Variants in SPOCK3 observed in about 807,000 individuals in gnomAD.
The protein encoded by SPOCK3 is testican-3.
SPOCK3 carries 30 observed loss-of-function variants against 56.6 expected under a neutral mutation model. The ratio of observed to expected loss-of-function variants is 0.53; its 90% CI spans 0.40 to 0.72. SPOCK3 has a LOEUF of 0.72. Among genes scored for constraint, SPOCK3 ranks in the 30% least tolerant of loss-of-function variants. The probability of loss-of-function intolerance (pLI) is 0.00; values close to 1 mark genes in which losing one functional copy is unlikely to be tolerated. For missense variants in SPOCK3, 527 were observed against 530.0 expected (o/e 0.99, Z 0.06); for synonymous variants, 196 against 183.3 (o/e 1.07, Z -0.56).
intron 2 of SPOCK3, among the ~76,000 whole-genome samples, chr4:167,069,519 T>A (rs1475870703): frequency 6.6e-6 from 1 of 151,882 alleles, no homozygotes; most frequent in Non-Finnish European, 1.5e-5. Context: ...TTTGGGCTGG[T>A]TCGTAGCGGG....
At chr4:166,796,051 G>T (rs781463081) in intron 6 of SPOCK3, among the ~76,000 whole-genome samples, 47 of 152,260 alleles carry the variant, frequency 3.1e-4, no homozygotes, top group Admixed American at 1.2e-3. Context: ...TCAGAACATA[G>T]CAAGAGGAAG....
At chr4:167,131,848 C>T (rs1283484242) in intron 2 of SPOCK3, among the ~76,000 whole-genome samples, 1 of 152,128 alleles carries the variant, frequency 6.6e-6, no homozygotes, top group African/African-American at 2.4e-5. Context: ...CAAACCAACC[C>T]ATGAAGTATA....
intron 2 of SPOCK3, 57 bp downstream of exon 2, chr4:167,233,928 C>A: frequency 2.0e-6 from 3 of 1,509,730 alleles, no homozygotes; most frequent in African/African-American, 1.4e-5. Flanking sequence ...GCGGCCGCGG[C>A]CCCCGCCTCG....
Position 166,878,415 on chromosome 4 carries a change from T to C in SPOCK3, c.589+10715A>G, listed in dbSNP as rs1391830609. Among the ~76,000 whole-genome samples, 10 of 152,202 alleles carry C rather than the reference T, an allele frequency of 6.6e-5. No homozygotes were observed. The East Asian group carries it at 1.7e-3, about 26-fold the overall frequency. On this transcript the variant is annotated intron_variant, in intron 6 of 10. Transcript: ENST00000357545. Reference sequence around the variant, plus strand: ...ATTTGGCTCCCAAATATATACACTATAAGAAGTTGGCCAAAATCATAGGCA... The same window carrying C: ...ATTTGGCTCCCAAATATATACACTACAAGAAGTTGGCCAAAATCATAGGCA...
chr4:166,990,408 AT>A (rs1212288945), intron 4 of SPOCK3, among the ~76,000 whole-genome samples: 7 of 151,738 alleles, frequency 4.6e-5, no homozygotes, highest in South Asian at 2.1e-4. Flanking sequence ...TTAAAAAAAA[AT>A]GTTCTTACAA....
chr4:167,152,176 G>T (rs1764483337), intron 2 of SPOCK3, among the ~76,000 whole-genome samples: 1 of 152,142 alleles, frequency 6.6e-6, no homozygotes, highest in African/African-American at 2.4e-5. Flanking sequence ...GTCCTAAAGT[G>T]GCCATTAGTT....
chr4:166,845,469 A>C (rs766501713), intron 6 of SPOCK3, among the ~76,000 whole-genome samples: 34 of 152,182 alleles, frequency 2.2e-4, no homozygotes, highest in Non-Finnish European at 4.4e-4. Context: ...TATAACTTAT[A>C]ATCTTATATT....
intron 8 of SPOCK3, among the ~76,000 whole-genome samples, chr4:166,745,379 A>G (rs184991585): frequency 1.8e-4 from 28 of 152,348 alleles, no homozygotes; most frequent in African/African-American, 6.3e-4. Flanking sequence ...TTTCATATCC[A>G]GCCAAACTAA....
At chr4:166,885,406 C>A (rs1362315803) in intron 6 of SPOCK3, among the ~76,000 whole-genome samples, 1 of 151,854 alleles carries the variant, frequency 6.6e-6, no homozygotes, top group East Asian at 1.9e-4. Flanking sequence ...GAAATGTTAA[C>A]TCTTTGCTCA....
In SPOCK3 at chr4:166,962,484, G is replaced by A. The variant is rs1744246594; in HGVS notation, c.350+37865C>T. Among the ~76,000 whole-genome samples the A allele has an allele frequency of 2.6e-5, 4 of 152,036 alleles. No individual in the cohort carries two copies. In the South Asian group the frequency reaches 8.3e-4, roughly 32 times the overall value. Reference sequence around the variant, plus strand: ...GAACTTTTTTCAGTGTTTGTATCGTGATATTCAGCAGCATTAGAGAACCTT... The same window carrying A: ...GAACTTTTTTCAGTGTTTGTATCGTAATATTCAGCAGCATTAGAGAACCTT... On this transcript the variant is annotated intron_variant, in intron 4 of 10. Transcript: ENST00000357545.
Position 167,000,449 on chromosome 4 carries a change from TAGCTGGATCTAA to T in SPOCK3, c.238_249del (p.Leu80_Ala83del), listed in dbSNP as rs1174318438. ...CATTTCATCTTTAAGCATGGATCCT[TAGCTGGATCTAA>T]AGCTAAAAAAATTGCAAAGAAAATA... On this transcript the variant is annotated inframe_deletion and splice_region_variant, in exon 4 of 11. Coordinates refer to ENST00000357545, the MANE Select transcript of SPOCK3 (RefSeq NM_001040159.2). The T allele has an allele frequency of 6.3e-7, 1 of 1,578,818 alleles. No homozygotes were observed. The highest frequency in any genetic ancestry group is 1.8e-5 in the Admixed American group (1 of 56,302).
At chr4:166,742,844 C>G (rs1281554207) in intron 8 of SPOCK3, among the ~76,000 whole-genome samples, 4 of 151,954 alleles carry the variant, frequency 2.6e-5, no homozygotes. Context: ...TATAGTTTGC[C>G]TTATATTATT....
At chr4:167,228,230 A>G (rs1736794488) in intron 2 of SPOCK3, among the ~76,000 whole-genome samples, 2 of 152,160 alleles carry the variant, frequency 1.3e-5, no homozygotes, top group South Asian at 4.1e-4. Context: ...ACATACACAC[A>G]TAACACATAT....
At chr4:167,045,501 T>C (rs1022975162) in intron 3 of SPOCK3, among the ~76,000 whole-genome samples, 1 of 152,096 alleles carries the variant, frequency 6.6e-6, no homozygotes, top group African/African-American at 2.4e-5. Context: ...GTGATTTTAA[T>C]TGAGCATTTT....
intron 2 of SPOCK3, among the ~76,000 whole-genome samples, chr4:167,092,867 AT>A (rs985349787): frequency 6.6e-6 from 1 of 152,120 alleles, no homozygotes; most frequent in Non-Finnish European, 1.5e-5. Flanking sequence ...CTGATGCAAA[AT>A]GTGTTCCACC....
At chr4:166,962,713 A>G (rs544691442) in intron 4 of SPOCK3, among the ~76,000 whole-genome samples, 1 of 152,226 alleles carries the variant, frequency 6.6e-6, no homozygotes, top group African/African-American at 2.4e-5. Context: ...CATAGACCCT[A>G]CAAGGTCTCA....
chr4:166,899,508 C>CTTT lies in SPOCK3; in HGVS notation c.475-10267_475-10265dup, dbSNP rs781766258. The stretch of plus-strand genomic sequence containing the variant: ...ATCTGTTCAGTGTATTTCTTTCTTT[C>CTTT]TTTTTTTTTTTTTTTTGAGACAGAG... On this transcript the variant is annotated intron_variant, in intron 5 of 10. Transcript: ENST00000357545. Among the ~76,000 whole-genome samples the CTTT allele has an allele frequency of 9.6e-3, 1,142 of 119,082 alleles. 55 individuals are homozygous for CTTT. Among genetic ancestry groups the CTTT allele is most frequent in the East Asian group, 0.051 (212 of 4,122 alleles). 78.1% of individuals were successfully genotyped at this position (119,082 alleles called of 152,430 possible).
intron 2 of SPOCK3, among the ~76,000 whole-genome samples, chr4:167,114,796 G>T (rs537013545): frequency 6.6e-6 from 1 of 152,150 alleles, no homozygotes; most frequent in East Asian, 1.9e-4. Flanking sequence ...GTTGTGGTAA[G>T]GTGCTATGTT....
At chr4:166,864,268 A>C (rs1731547808) in intron 6 of SPOCK3, among the ~76,000 whole-genome samples, 1 of 152,202 alleles carries the variant, frequency 6.6e-6, no homozygotes, top group Non-Finnish European at 1.5e-5. Flanking sequence ...AATCTCTAGG[A>C]CACAGCTAAA....
Sources: allele counts gnomAD v4.1 joint callset (sites outside exome capture counted in the v4.1 genomes callset), GRCh38; gene constraint gnomAD v4.1.1; transcripts MANE v1.5; gene names NCBI Gene and HGNC (gene_info 2026-07-23, HGNC 2026-07-21).